KCNH1: variants seen among roughly 807,000 people sequenced by gnomAD.
The protein encoded by KCNH1 is potassium voltage-gated channel subfamily H member 1, also known as voltage-gated delayed rectifier potassium channel KCNH1.
KCNH1 carries 27 observed loss-of-function variants against 69.2 expected under a neutral mutation model. The ratio of observed to expected loss-of-function variants is 0.39; its 90% CI spans 0.29 to 0.54. The LOEUF (loss-of-function observed/expected upper bound fraction) is 0.54. Among genes scored for constraint, KCNH1 ranks in the 20% least tolerant of loss-of-function variants. KCNH1 has a pLI of 0.68. For missense variants in KCNH1, 798 were observed against 1,261.6 expected, an observed-to-expected ratio of 0.63 and a Z score of 5.57; for synonymous variants, 456 against 487.7, an observed-to-expected ratio of 0.93 and a Z score of 0.86.
chr1:210,908,409 A>G (rs1687159448), intron 7 of KCNH1, among the ~76,000 whole-genome samples: 1 of 152,226 alleles, frequency 6.6e-6, no homozygotes, highest in African/African-American at 2.4e-5. Flanking sequence ...GCATGTGAGC[A>G]CAGCTCAATA....
intron 5 of KCNH1, among the ~76,000 whole-genome samples, chr1:211,061,575 A>T (rs1690433817): frequency 6.6e-6 from 1 of 152,064 alleles, no homozygotes; most frequent in African/African-American, 2.4e-5. Flanking sequence ...AAAACTAAAG[A>T]CTCCATTAAA....
At chr1:211,102,071 T>C (rs927380704) in intron 3 of KCNH1, among the ~76,000 whole-genome samples, 2 of 152,152 alleles carry the variant, frequency 1.3e-5, no homozygotes, top group African/African-American at 4.8e-5. Flanking sequence ...CTACCTAAAG[T>C]ACAGATCTTC....
intron 9 of KCNH1, among the ~76,000 whole-genome samples, chr1:210,775,782 T>G (rs141163370): frequency 7.9e-5 from 12 of 152,220 alleles, no homozygotes; most frequent in African/African-American, 2.9e-4. Context: ...ATCATTTATG[T>G]CACCTCCTCA....
chr1:210,887,853 G>A (rs1295958363), intron 7 of KCNH1, among the ~76,000 whole-genome samples: 1 of 151,748 alleles, frequency 6.6e-6, no homozygotes, highest in Non-Finnish European at 1.5e-5. Flanking sequence ...ACAACAAGGA[G>A]AGCTAACTAT....
At chr1:210,859,206 T>A (rs1461102484) in intron 7 of KCNH1, 2 of 1,610,956 alleles carry the variant, frequency 1.2e-6, no homozygotes, top group East Asian at 4.5e-5. Flanking sequence ...CCTCCAAAAT[T>A]GAAAGAACTT....
chr1:210,951,192 C>T (rs1478677376), intron 6 of KCNH1, among the ~76,000 whole-genome samples: 1 of 152,114 alleles, frequency 6.6e-6, no homozygotes. Context: ...CACAGGGCTA[C>T]GACAGAAACT....
In KCNH1 at chr1:210,740,704, A is replaced by ATTTTTTTTTTTTTT. The variant is rs199727493; in HGVS notation, c.2112+34630_2112+34643dup. Among the ~76,000 whole-genome samples the ATTTTTTTTTTTTTT allele has an allele frequency of 3.0e-4, 35 of 117,242 alleles. 1 individual carries two copies. The highest frequency in any genetic ancestry group is 1.1e-3 in the African/African-American group (33 of 29,578). The allele number at this position is 117,242 out of a possible 152,430, so 76.9% of individuals were successfully genotyped here. ...GTCTCTGATTAAATTTTATGATTAA[A>ATTTTTTTTTTTTTT]TTTTTTTTTTTTTTTTTTTTTTTTT... On this transcript the variant is annotated intron_variant, in intron 10 of 10. Coordinates refer to ENST00000271751, the MANE Select transcript of KCNH1 (RefSeq NM_172362.3).
At chr1:210,987,680 TC>T (rs1688866914) in intron 6 of KCNH1, among the ~76,000 whole-genome samples, 1 of 152,170 alleles carries the variant, frequency 6.6e-6, no homozygotes, top group African/African-American at 2.4e-5. Context: ...GTGTGAGGTG[TC>T]AGTCTGCCCC....
chr1:210,750,390 T>C (rs1484947243), intron 10 of KCNH1, among the ~76,000 whole-genome samples: 2 of 152,144 alleles, frequency 1.3e-5, no homozygotes, highest in South Asian at 4.1e-4. Context: ...ACCCAGCCTG[T>C]TACTTCAATA....
intron 6 of KCNH1, among the ~76,000 whole-genome samples, chr1:210,996,437 G>A (rs952101620): frequency 2.0e-5 from 3 of 152,230 alleles, no homozygotes; most frequent in South Asian, 2.1e-4. Context: ...GGCTGGGGGA[G>A]GGGCGCCTGC....
At chr1:210,864,836 G>A (rs1234079967) in intron 7 of KCNH1, among the ~76,000 whole-genome samples, 1 of 152,180 alleles carries the variant, frequency 6.6e-6, no homozygotes, top group East Asian at 1.9e-4. Context: ...TGACTTAGTT[G>A]GAATCATCTA....
intron 6 of KCNH1, among the ~76,000 whole-genome samples, chr1:210,999,264 T>C (rs1272113387): frequency 3.9e-5 from 6 of 152,126 alleles, no homozygotes; most frequent in African/African-American, 1.2e-4. Context: ...GATAGTCTGC[T>C]AGCAAGACTA....
intron 7 of KCNH1, among the ~76,000 whole-genome samples, chr1:210,911,875 C>G (rs1553358880): frequency 1.3e-5 from 2 of 152,174 alleles, no homozygotes; most frequent in Non-Finnish European, 2.9e-5. Flanking sequence ...TCTTCCACCC[C>G]TCTCCTGCAA....
intron 10 of KCNH1, among the ~76,000 whole-genome samples, chr1:210,709,170 A>G (rs1287332801): frequency 6.6e-6 from 1 of 152,184 alleles, no homozygotes; most frequent in African/African-American, 2.4e-5. Flanking sequence ...AATTATTTAA[A>G]CCCAGGAGGC....
chr1:210,744,987 G>A (rs1381440874), intron 10 of KCNH1, among the ~76,000 whole-genome samples: 1 of 122,716 alleles, frequency 8.1e-6, no homozygotes, highest in Non-Finnish European at 1.8e-5. Context: ...TGGATCACCC[G>A]AGGTCAGGAA....
intron 7 of KCNH1, among the ~76,000 whole-genome samples, chr1:210,870,512 C>T (rs1320849210): frequency 6.6e-6 from 1 of 152,200 alleles, no homozygotes; most frequent in Non-Finnish European, 1.5e-5. Context: ...TGCCCTCACT[C>T]ATCTATTTTA....
intron 10 of KCNH1, among the ~76,000 whole-genome samples, chr1:210,700,949 A>ATTTT (rs1232517226): frequency 6.6e-6 from 1 of 151,168 alleles, no homozygotes; most frequent in African/African-American, 2.4e-5. Context: ...TTATTTATTT[A>ATTTT]TTTTTTGAGA....
At chr1:211,077,221 C>T (rs145081730) in intron 5 of KCNH1, among the ~76,000 whole-genome samples, 1,845 of 152,148 alleles carry the variant, frequency 0.012, 31 homozygotes, top group African/African-American at 0.042. Flanking sequence ...CCCAACCTAG[C>T]GAGACAGGCC....
Position 211,082,769 on chromosome 1 carries a change from T to G in KCNH1, c.558+11A>C. 1 of 1,606,666 alleles carries G rather than the reference T, an allele frequency of 6.2e-7. No homozygotes were observed. Among genetic ancestry groups the G allele is most frequent in the South Asian group, 1.1e-5 (1 of 90,552 alleles). ...AGTGAGGCTCAAGATGAGCTAACCC[T>G]TTGCCCTTACCTCTGCCAGGCGGGA... On this transcript the variant is annotated intron_variant, in intron 5 of 10. Coordinates refer to ENST00000271751, the MANE Select transcript of KCNH1 (RefSeq NM_172362.3).
Sources: allele counts gnomAD v4.1 joint callset (sites outside exome capture counted in the v4.1 genomes callset), GRCh38; gene constraint gnomAD v4.1.1; transcripts MANE v1.5; gene names NCBI Gene and HGNC (gene_info 2026-07-23, HGNC 2026-07-21).